LEMD1: variants seen among roughly 807,000 people sequenced by gnomAD.
LEMD1 encodes the protein LEM domain containing 1, also known as LEM domain-containing protein 1.
Under a neutral mutation model 17.4 loss-of-function variants are expected in LEMD1, and 18 were observed. The ratio of observed to expected loss-of-function variants is 1.04; its 90% CI spans 0.72 to 1.54. LEMD1 has a LOEUF of 1.54. LEMD1 is among the 40% of genes most tolerant of loss of function. LEMD1 has a pLI of 0.00. For synonymous variants in LEMD1, 88 were observed against 77.8 expected (o/e 1.13, Z -0.69); for missense variants, 195 against 210.4 (o/e 0.93, Z 0.45).
intron 1 of LEMD1, among the ~76,000 whole-genome samples, chr1:205,445,471 G>A (rs981091036): frequency 2.6e-5 from 4 of 152,214 alleles, no homozygotes; most frequent in African/African-American, 9.6e-5. Context: ...CTGGCTCACC[G>A]AGCTCTCTGG....
intron 4 of LEMD1, among the ~76,000 whole-genome samples, chr1:205,393,424 C>T (rs1664434248): frequency 6.6e-6 from 1 of 151,832 alleles, no homozygotes; most frequent in African/African-American, 2.4e-5. Context: ...ACCTGTAATC[C>T]CAGCACTTTG....
Position 205,448,573 on chromosome 1 carries a change from C to G in LEMD1, c.-39+1295G>C, listed in dbSNP as rs1666443326. On this transcript the variant is annotated intron_variant, in intron 1 of 3. Coordinates refer to the LEMD1 transcript ENST00000367154. The surrounding 1 kb of genome is among the most constrained non-coding windows in gnomAD (Gnocchi z 4.7). ...CTTCCACCACCTGCACTAAAGCCAT[C>G]CCAGTAATGAGTTTCCAGTTCTTGC... Among the ~76,000 whole-genome samples the G allele has an allele frequency of 6.6e-6, 1 of 152,116 alleles. No individual in the cohort carries two copies. Among genetic ancestry groups the G allele is most frequent in the Non-Finnish European group, 1.5e-5 (1 of 68,018 alleles).
chr1:205,425,893 T>C (rs1307653293), upstream of LEMD1, among the ~76,000 whole-genome samples: 1 of 151,978 alleles, frequency 6.6e-6, no homozygotes, highest in Non-Finnish European at 1.5e-5. Flanking sequence ...ATTCTTTTTA[T>C]ATGGAGTAAG....
At position 205,419,211 on chromosome 1, in the gene LEMD1, G is replaced by A; in HGVS notation, c.205+19C>T. 2 of 1,612,578 alleles carry A rather than the reference G, an allele frequency of 1.2e-6. No individual in the cohort carries two copies. The highest frequency in any genetic ancestry group is 1.7e-6 in the Non-Finnish European group (2 of 1,179,066). ...ATAAGTGCAAAGTTGCCATCTAGCAGTACAGCTTATGGCGGTACCTTCGCT... is the reference window on the plus strand; with the variant it reads ...ATAAGTGCAAAGTTGCCATCTAGCAATACAGCTTATGGCGGTACCTTCGCT... On this transcript the variant is annotated intron_variant, in intron 3 of 5. Transcript: ENST00000367153.
intron 4 of LEMD1, among the ~76,000 whole-genome samples, chr1:205,399,297 C>T (rs773480603): frequency 3.8e-4 from 57 of 151,782 alleles, no homozygotes; most frequent in Non-Finnish European, 7.8e-4. Flanking sequence ...AATGGAATCA[C>T]TGTCAGATAA....
chr1:205,410,916 ACAGGAAAG>A, intron 4 of LEMD1, among the ~76,000 whole-genome samples: 1 of 150,636 alleles, frequency 6.6e-6, no homozygotes, highest in Non-Finnish European at 1.5e-5. Context: ...GGAAGGAAGG[ACAGGAAAG>A]AAAAGAGAAA....
At chr1:205,408,680 T>A (rs1383162569) in intron 4 of LEMD1, among the ~76,000 whole-genome samples, 17 of 151,254 alleles carry the variant, frequency 1.1e-4, no homozygotes, top group Non-Finnish European at 5.9e-5. Context: ...TTGCAATTAT[T>A]GTAGAGATGG....
chr1:205,426,252 T>C (rs1666053453), upstream of LEMD1, among the ~76,000 whole-genome samples: 1 of 152,180 alleles, frequency 6.6e-6, no homozygotes, highest in South Asian at 2.1e-4. Context: ...ATCCTATGAG[T>C]CCTGCATACA....
intron 5 of LEMD1, chr1:205,382,132 G>A: frequency 2.4e-6 from 1 of 414,478 alleles, no homozygotes; most frequent in Non-Finnish European, 4.4e-6. Flanking sequence ...CTCTCGAGTA[G>A]CTCGGACCAC....
intron 5 of LEMD1, 93 bp from the exon 6 acceptor site, chr1:205,381,949 C>T: frequency 1.6e-6 from 2 of 1,217,002 alleles, no homozygotes; most frequent in Non-Finnish European, 2.4e-6. Context: ...CCCAAGGGTG[C>T]AGTCATGGTG....
At chr1:205,423,167 T>A (rs1275126197), upstream of LEMD1, among the ~76,000 whole-genome samples, 1 of 152,188 alleles carries the variant, frequency 6.6e-6, no homozygotes, top group African/African-American at 2.4e-5. Flanking sequence ...GCTGAACGTC[T>A]TTGGGTGGGT....
At position 205,428,905 on chromosome 1, in the gene LEMD1, G is replaced by C. The variant is rs996818647; in HGVS notation, c.-38-8331C>G. ...AGTGTCAGGAATGAGTCAGATTTCT[G>C]GCTTGAATATCTCAGTAACCAGAGG... On this transcript the variant is annotated intron_variant, in intron 1 of 3. Transcript: ENST00000367154. 1.8e-4 allele frequency among the ~76,000 whole-genome samples: 27 copies of C among 152,172 alleles called. 1 individual carries two copies. The highest frequency in any genetic ancestry group is 6.3e-4 in the African/African-American group (26 of 41,442).
chr1:205,440,089 G>T (rs1336779767), intron 1 of LEMD1, among the ~76,000 whole-genome samples: 1 of 152,092 alleles, frequency 6.6e-6, no homozygotes, highest in Non-Finnish European at 1.5e-5. Flanking sequence ...GAAAAAGGCA[G>T]GGGAGACAGG....
chr1:205,413,838 G>C (rs1240017256), intron 4 of LEMD1, among the ~76,000 whole-genome samples: 2 of 151,786 alleles, frequency 1.3e-5, no homozygotes, highest in African/African-American at 4.8e-5. Flanking sequence ...ATTTTTAGTA[G>C]AGACAGGGTT....
intron 4 of LEMD1, chr1:205,385,536 G>T (rs1161242698): frequency 6.6e-6 from 1 of 152,194 alleles, no homozygotes; most frequent in Non-Finnish European, 1.5e-5. Flanking sequence ...ACAATTATTT[G>T]TTGCGTGCTG....
At chr1:205,415,769 G>A (rs1254876135) in intron 4 of LEMD1, among the ~76,000 whole-genome samples, 1 of 152,206 alleles carries the variant, frequency 6.6e-6, no homozygotes, top group Non-Finnish European at 1.5e-5. Context: ...TCCTAAGCCA[G>A]TTAGGCCTCA....
intron 1 of LEMD1, among the ~76,000 whole-genome samples, chr1:205,428,981 C>T (rs1320409342): frequency 6.6e-6 from 1 of 152,166 alleles, no homozygotes; most frequent in Admixed American, 6.5e-5. Flanking sequence ...TCCAGATCTC[C>T]ACATGGCTCC....
rs1028801464 is a variant in LEMD1, at chr1:205,448,889, G to A, written c.-39+979C>T. 2.6e-5 allele frequency among the ~76,000 whole-genome samples: 4 copies of A among 152,288 alleles called. No individual in the cohort carries two copies. Among genetic ancestry groups the A allele is most frequent in the Admixed American group, 1.3e-4 (2 of 15,308 alleles). Reference sequence around the variant, plus strand: ...GGTCTGGGTAAAGGAGGGCAGCGATGAGGACCTACCCTTTGTTTAGAGGGG... The same window carrying A: ...GGTCTGGGTAAAGGAGGGCAGCGATAAGGACCTACCCTTTGTTTAGAGGGG... On this transcript the variant is annotated intron_variant, in intron 1 of 3. Transcript: ENST00000367154. The surrounding 1 kb of genome is among the most constrained non-coding windows in gnomAD (Gnocchi z 4.7).
At chr1:205,427,978 G>A (rs1368266952) in intron 1 of LEMD1, among the ~76,000 whole-genome samples, 2 of 152,182 alleles carry the variant, frequency 1.3e-5, no homozygotes, top group Non-Finnish European at 1.5e-5. Context: ...TGTTTCCTGA[G>A]GATCCCGAGT....
Sources: allele counts gnomAD v4.1 joint callset (sites outside exome capture counted in the v4.1 genomes callset), GRCh38; gene constraint gnomAD v4.1.1; non-coding constraint Gnocchi (gnomAD v3.1); transcripts MANE v1.5; gene names NCBI Gene and HGNC (gene_info 2026-07-23, HGNC 2026-07-21).